Variants in MAGI1 observed in about 807,000 individuals in gnomAD.
The protein encoded by MAGI1 is membrane associated guanylate kinase, WW and PDZ domain containing 1, also known as membrane-associated guanylate kinase, WW and PDZ domain-containing protein 1.
A neutral mutation model predicts 139.9 loss-of-function variants in MAGI1; 58 were observed. The observed-to-expected ratio is 0.41, with a 90% confidence interval of 0.34 to 0.52. The LOEUF is 0.52. Ranked by LOEUF, MAGI1 falls within the 20% of genes least tolerant of loss-of-function variation. The pLI, the probability that MAGI1 is intolerant of heterozygous loss-of-function variation, is 0.12. For synonymous variants in MAGI1, 812 were observed against 737.9 expected, an observed-to-expected ratio of 1.10 and a Z score of -1.63; for missense variants, 1,874 against 1,901.6, an observed-to-expected ratio of 0.99 and a Z score of 0.27.
At chr3:65,773,975 GA>G (rs139123700) in intron 1 of MAGI1, among the ~76,000 whole-genome samples, 11,472 of 151,780 alleles carry the variant, frequency 0.076, 491 homozygotes, top group African/African-American at 0.11. Context: ...CACAGGAAGA[GA>G]AAAAAATTCC....
At chr3:65,453,426 A>C (rs1949168633) in intron 5 of MAGI1, 86 bp from the exon 6 acceptor site, 1 of 958,490 alleles carries the variant, frequency 1.0e-6, no homozygotes, top group South Asian at 1.4e-5. Context: ...CACACTCTTG[A>C]ATATTTCTTC....
intron 2 of MAGI1, among the ~76,000 whole-genome samples, chr3:65,496,663 G>C (rs2107682106): frequency 6.6e-6 from 1 of 152,284 alleles, no homozygotes; most frequent in South Asian, 2.1e-4. Flanking sequence ...ACCAATGGAG[G>C]ACAGAGAGCA....
chr3:65,578,923 AAGAGAG>A (rs139290080), intron 2 of MAGI1, among the ~76,000 whole-genome samples: 3 of 145,646 alleles, frequency 2.1e-5, no homozygotes, highest in African/African-American at 5.1e-5. Context: ...TCTGTCTCCA[AAGAGAG>A]AGAGAGAGAG....
intron 1 of MAGI1, among the ~76,000 whole-genome samples, chr3:65,761,047 C>T (rs2036983011): frequency 6.6e-6 from 1 of 152,196 alleles, no homozygotes; most frequent in Admixed American, 6.5e-5. Flanking sequence ...AGATCCCAAA[C>T]ACTGAAGTTA....
At chr3:65,643,162 T>A (rs1030623971) in intron 1 of MAGI1, among the ~76,000 whole-genome samples, 1 of 152,206 alleles carries the variant, frequency 6.6e-6, no homozygotes, top group Non-Finnish European at 1.5e-5. Flanking sequence ...GTTATTCATT[T>A]CTCAGCTCCT....
intron 7 of MAGI1, among the ~76,000 whole-genome samples, chr3:65,445,965 A>G: frequency 6.6e-6 from 1 of 152,202 alleles, no homozygotes; most frequent in East Asian, 1.9e-4. Context: ...TGTCAACAGA[A>G]TCTGGAGTGA....
At chr3:65,942,761 T>C (rs1457600360) in intron 1 of MAGI1, among the ~76,000 whole-genome samples, 1 of 152,128 alleles carries the variant, frequency 6.6e-6, no homozygotes, top group African/African-American at 2.4e-5. Flanking sequence ...CTCACCCCTA[T>C]AATCCCTACA....
intron 1 of MAGI1, among the ~76,000 whole-genome samples, chr3:65,984,712 C>CT (rs1206138639): frequency 0.021 from 554 of 26,114 alleles, 2 homozygotes; most frequent in South Asian, 0.055. Flanking sequence ...ATTTTTTTTT[C>CT]TTTTTTTTTT....
At chr3:65,388,481 A>G (rs976420779) in intron 14 of MAGI1, among the ~76,000 whole-genome samples, 6 of 152,162 alleles carry the variant, frequency 3.9e-5, no homozygotes, top group Non-Finnish European at 7.3e-5. Context: ...TCTCTTTGAA[A>G]GACAAGATAC....
intron 1 of MAGI1, chr3:65,688,516 AGGTAGGTGCTACT>A (rs933866726): frequency 4.8e-5 from 21 of 435,658 alleles, no homozygotes; most frequent in African/African-American, 2.2e-4. Flanking sequence ...CTGAGGCTTA[AGGTAGGTGCTACT>A]GGTAGGTGCT....
intron 1 of MAGI1, among the ~76,000 whole-genome samples, chr3:65,683,945 A>T (rs1233436640): frequency 6.6e-6 from 1 of 150,674 alleles, no homozygotes; most frequent in African/African-American, 2.4e-5. Flanking sequence ...AAGGTGGATC[A>T]CTTGAGCCCA....
At chr3:65,515,854 C>T (rs2077846707) in intron 2 of MAGI1, among the ~76,000 whole-genome samples, 1 of 152,176 alleles carries the variant, frequency 6.6e-6, no homozygotes, top group Non-Finnish European at 1.5e-5. Flanking sequence ...AACAGCAAGC[C>T]TGGCACTTAC....
intron 1 of MAGI1, among the ~76,000 whole-genome samples, chr3:65,710,944 C>G (rs2031311721): frequency 6.6e-6 from 1 of 152,150 alleles, no homozygotes; most frequent in Non-Finnish European, 1.5e-5. Context: ...TTGTTCTGTC[C>G]CCTAAATATA....
At chr3:66,001,329 GAT>G (rs1386826479) in intron 1 of MAGI1, among the ~76,000 whole-genome samples, 1 of 152,016 alleles carries the variant, frequency 6.6e-6, no homozygotes, top group Non-Finnish European at 1.5e-5. Context: ...ATTCAAAAAA[GAT>G]ATATAATATC....
chr3:65,913,493 A>C (rs1412850709), intron 1 of MAGI1, among the ~76,000 whole-genome samples: 1 of 152,168 alleles, frequency 6.6e-6, no homozygotes, highest in African/African-American at 2.4e-5. Flanking sequence ...GTAGAAAGCT[A>C]ATAGGTATAG....
intron 1 of MAGI1, among the ~76,000 whole-genome samples, chr3:65,858,503 C>T (rs946820185): frequency 6.6e-6 from 1 of 152,094 alleles, no homozygotes; most frequent in Non-Finnish European, 1.5e-5. Flanking sequence ...AGATAAGAAC[C>T]AAGATTTTCA....
intron 2 of MAGI1, chr3:65,619,775 C>T (rs1559726891): frequency 2.5e-6 from 2 of 816,002 alleles, no homozygotes; most frequent in Admixed American, 6.2e-5. Flanking sequence ...GGCACACACG[C>T]TCCACCAGAC....
chr3:65,681,295 A>G (rs754962764), intron 1 of MAGI1, among the ~76,000 whole-genome samples: 15 of 152,226 alleles, frequency 9.9e-5, no homozygotes, highest in Non-Finnish European at 1.9e-4. Flanking sequence ...ATAGACCACA[A>G]TCTACAAACA....
intron 1 of MAGI1, among the ~76,000 whole-genome samples, chr3:65,930,681 T>C (rs560209095): frequency 6.6e-6 from 1 of 152,148 alleles, no homozygotes; most frequent in Non-Finnish European, 1.5e-5. Flanking sequence ...ATTAAACAGG[T>C]TGCGGTAAAG....
Sources: gnomAD v4.1 joint callset for allele counts (sites outside exome capture counted in the v4.1 genomes callset) on GRCh38, gnomAD v4.1.1 for gene constraint, MANE v1.5 for transcripts, NCBI Gene and HGNC (gene_info 2026-07-23, HGNC 2026-07-21) for gene names.